The following ITIH5 variants were observed in gnomAD, a reference collection of about 807,000 sequenced individuals.
The protein encoded by ITIH5 is inter-alpha-trypsin inhibitor heavy chain H5.
A neutral mutation model predicts 77.5 loss-of-function variants in ITIH5; 65 were observed. The ratio of observed to expected loss-of-function variants is 0.84; its 90% CI spans 0.69 to 1.03. The LOEUF is 1.03. Ranked by LOEUF, ITIH5 falls within the 50% of genes least tolerant of loss-of-function variation. The pLI is 0.00. For synonymous variants in ITIH5, 525 were observed against 494.3 expected, an observed-to-expected ratio of 1.06 and a Z score of -0.82; for missense variants, 1,208 against 1,213.1, an observed-to-expected ratio of 1.00 and a Z score of 0.06.
intron 2 of ITIH5, among the ~76,000 whole-genome samples, chr10:7,655,374 T>C (rs1373720179): frequency 6.6e-6 from 1 of 152,140 alleles, no homozygotes; most frequent in Non-Finnish European, 1.5e-5. Context: ...TATTTAGGCT[T>C]TAAAAAAAAT....
At chr10:7,604,003 A>C (rs1162505028) in intron 7 of ITIH5, among the ~76,000 whole-genome samples, 1 of 152,146 alleles carries the variant, frequency 6.6e-6, no homozygotes, top group East Asian at 1.9e-4. Flanking sequence ...ATCCGGGGGA[A>C]TCCCCTGCAG....
intron 7 of ITIH5, among the ~76,000 whole-genome samples, chr10:7,588,663 T>C (rs1832730582): frequency 6.6e-6 from 1 of 152,268 alleles, no homozygotes; most frequent in South Asian, 2.1e-4. Context: ...CAGCACTTCT[T>C]CATTCCCAGG....
intron 2 of ITIH5, among the ~76,000 whole-genome samples, chr10:7,650,665 A>G (rs1177449240): frequency 6.6e-6 from 1 of 151,860 alleles, no homozygotes; most frequent in Admixed American, 6.6e-5. Flanking sequence ...GAACCCGGGA[A>G]GAGGAGGTTG....
In ITIH5 at chr10:7,645,548, T is replaced by C. The variant is rs564828121; in HGVS notation, c.136-3458A>G. Among the ~76,000 whole-genome samples the C allele has an allele frequency of 2.0e-5, 3 of 152,318 alleles. No homozygotes were observed. The South Asian group carries it at 6.2e-4, about 32-fold the overall frequency. On this transcript the variant is annotated intron_variant, in intron 2 of 13. Transcript: ENST00000397146. ...TTTACTAATTGAACTTTAAAATATA[T>C]ATTTCTTCATCTGCAAGTGAAAAGG... is the stretch of plus-strand genomic sequence containing the variant.
intron 5 of ITIH5, among the ~76,000 whole-genome samples, chr10:7,627,650 G>C (rs1833606128): frequency 1.3e-5 from 2 of 152,028 alleles, no homozygotes; most frequent in South Asian, 4.1e-4. Context: ...AAATTGGTTA[G>C]TACCCAGTCC....
At chr10:7,599,146 T>C (rs961109585) in intron 7 of ITIH5, among the ~76,000 whole-genome samples, 1 of 152,224 alleles carries the variant, frequency 6.6e-6, no homozygotes, top group Non-Finnish European at 1.5e-5. Flanking sequence ...TGTAAATAAC[T>C]CAGGGCTAGA....
chr10:7,642,382 C>T (rs1293628526), intron 2 of ITIH5, among the ~76,000 whole-genome samples: 3 of 152,154 alleles, frequency 2.0e-5, no homozygotes, highest in East Asian at 1.9e-4. Context: ...AGAAAATACA[C>T]GTTCCTTAAA....
intron 5 of ITIH5, chr10:7,618,588 A>G (rs1167090789): frequency 1.3e-5 from 2 of 152,214 alleles, no homozygotes; most frequent in African/African-American, 2.4e-5. Context: ...AGAATTCTTA[A>G]TCATAAGGGC....
chr10:7,656,453 G>A (rs758106886), intron 1 of ITIH5, among the ~76,000 whole-genome samples: 8 of 152,158 alleles, frequency 5.3e-5, no homozygotes, highest in East Asian at 1.9e-4. Context: ...GGGTTCAAGC[G>A]AACTTCTCAC....
chr10:7,627,303 G>GA (rs59346650), intron 5 of ITIH5, among the ~76,000 whole-genome samples: 30,961 of 108,290 alleles, frequency 0.29, 4,634 homozygotes, highest in African/African-American at 0.49. Context: ...TAAAGTAAAA[G>GA]AAAAAAAAGA....
chr10:7,655,606 C>G (rs1834168396), intron 2 of ITIH5, 25 bp downstream of exon 2: 1 of 1,590,694 alleles, frequency 6.3e-7, no homozygotes, highest in Non-Finnish European at 8.6e-7. Flanking sequence ...AATGGACTTT[C>G]AAGATGCACC....
chr10:7,614,592 C>T (rs984900754), intron 7 of ITIH5, among the ~76,000 whole-genome samples: 1 of 152,084 alleles, frequency 6.6e-6, no homozygotes, highest in East Asian at 1.9e-4. Flanking sequence ...CTGGATACCC[C>T]GGCTCTGAAA....
Position 7,560,878 on chromosome 10 carries a change from G to T in ITIH5, c.*2205C>A, listed in dbSNP as rs2130929349. ...AGTGTAGCCCTGCATTAAGTATGTT[G>T]TATGACTTGGCAAAAACCACTCCAC... On this transcript the variant is annotated 3_prime_UTR_variant, in exon 14 of 14. Transcript: ENST00000397146. 6.6e-6 allele frequency: 1 copy of T among 152,186 alleles called. No homozygotes were observed. The highest frequency in any genetic ancestry group is 2.4e-5 in the African/African-American group (1 of 41,490). The allele number at this position is 152,186 out of a possible 1,614,324, so 9.4% of individuals were successfully genotyped here.
Position 7,621,585 on chromosome 10 carries a change from G to C in ITIH5, c.653-4303C>G, listed in dbSNP as rs553948399. On this transcript the variant is annotated intron_variant, in intron 5 of 13. Transcript: ENST00000397146. The stretch of plus-strand genomic sequence containing the variant: ...GAGGCCAACCACCACCCAGGAAGAA[G>C]CAGACAGTAAATGTGACCCAATAAA... 6.6e-5 allele frequency: 10 copies of C among 152,302 alleles called. No individual in the cohort carries two copies. In the East Asian group the frequency reaches 1.9e-3, roughly 29 times the overall value. 9.4% of individuals were successfully genotyped at this position (152,302 alleles called of 1,614,324 possible).
rs116771672 is a variant in ITIH5 at position 7,654,555 on chromosome 10, C to T, written c.135+1076G>A. On this transcript the variant is annotated intron_variant, in intron 2 of 13. Coordinates refer to ENST00000397146, the MANE Select transcript of ITIH5 (RefSeq NM_030569.7). Reference sequence around the variant, plus strand: ...GGCTTAGTGCTCATTATTAAAGAGTCGCGTTCCCTAAGTTAAGGGCTCCTT... The same window carrying T: ...GGCTTAGTGCTCATTATTAAAGAGTTGCGTTCCCTAAGTTAAGGGCTCCTT... 9.2e-3 allele frequency among the ~76,000 whole-genome samples: 1,403 copies of T among 152,288 alleles called. 24 individuals carry two copies. Among genetic ancestry groups the T allele is most frequent in the African/African-American group, 0.032 (1,339 of 41,548 alleles).
At chr10:7,644,246 A>AAT (rs1371322822) in intron 2 of ITIH5, among the ~76,000 whole-genome samples, 22 of 147,332 alleles carry the variant, frequency 1.5e-4, no homozygotes, top group East Asian at 3.9e-4. Context: ...ACAGAAAAAA[A>AAT]ATATATATAT....
chr10:7,636,588 C>T (rs1833801078), intron 5 of ITIH5, among the ~76,000 whole-genome samples: 1 of 152,072 alleles, frequency 6.6e-6, no homozygotes, highest in East Asian at 1.9e-4. Context: ...AATCTTTAGG[C>T]TGATGGAATG....
In ITIH5 at chr10:7,563,218, C is replaced by A; in HGVS notation, c.2694G>T (p.Gly898=). The A allele has an allele frequency of 1.9e-6, 3 of 1,614,234 alleles. No individual in the cohort carries two copies. The change falls in exon 14 of 14, where the codon GGG becomes GGT. Residue 898 remains glycine (G), a synonymous_variant. Transcript: ENST00000397146. ...CAAACCAGCAGTCTATCTGCTCTTC[C>A]CCGTTGTAAATCTTCCTTTGCTTCC... ...VVWKQRKIYN[G]EEQIDCWFAR...
chr10:7,622,581 T>A (rs540856536), intron 5 of ITIH5: 1 of 152,204 alleles, frequency 6.6e-6, no homozygotes, highest in Admixed American at 6.5e-5. Flanking sequence ...TCATAACAGT[T>A]TTCTCTATAC....
Sources: allele counts gnomAD v4.1 joint callset (sites outside exome capture counted in the v4.1 genomes callset), GRCh38; gene constraint gnomAD v4.1.1; transcripts MANE v1.5; gene names NCBI Gene and HGNC (gene_info 2026-07-23, HGNC 2026-07-21).